GRM7: variants seen among roughly 807,000 people sequenced by gnomAD.
GRM7 encodes metabotropic glutamate receptor 7.
In GRM7, 35 loss-of-function variants were observed where a neutral mutation model predicts 84.5. The observed-to-expected ratio is 0.41, with a 90% CI of 0.32 to 0.55. GRM7 has a LOEUF of 0.55. Among genes scored for constraint, GRM7 ranks in the 20% least tolerant of loss-of-function variants. GRM7 has a pLI of 0.19. For synonymous variants in GRM7, 487 were observed against 455.1 expected (o/e 1.07, Z -0.89); for missense variants, 1,003 against 1,194.6 (o/e 0.84, Z 2.36).
At chr3:7,011,510 T>A (rs2124895114) in intron 1 of GRM7, among the ~76,000 whole-genome samples, 1 of 152,354 alleles carries the variant, frequency 6.6e-6, no homozygotes, top group South Asian at 2.1e-4. Flanking sequence ...GGTGGCCATT[T>A]TTATTCTTTG....
chr3:7,267,253 A>C (rs540144126), intron 2 of GRM7, among the ~76,000 whole-genome samples: 1 of 152,328 alleles, frequency 6.6e-6, no homozygotes, highest in African/African-American at 2.4e-5. Flanking sequence ...ATTAGGCCCA[A>C]CTCACTGTCT....
intron 4 of GRM7, among the ~76,000 whole-genome samples, chr3:7,409,574 GTTTGTTTTGTTTTGTTTTGT>G (rs143653987): frequency 2.8e-4 from 42 of 150,070 alleles, no homozygotes; most frequent in East Asian, 6.0e-4. Flanking sequence ...TCTGTTTTGT[GTTTGTTTTGTTTTGTTTTGT>G]TTTGTTTTGT....
rs541777254 is a variant in GRM7, at chr3:6,908,844, T to C, written c.519+46937T>C. On this transcript the variant is annotated intron_variant, in intron 1 of 9. Transcript: ENST00000357716. The stretch of plus-strand genomic sequence containing the variant: ...CTAGATTTTGCAGAGATTAAAGATA[T>C]GTCTTGTGGTCTGACTGCTGAAGTG... Among the ~76,000 whole-genome samples, 7 of 152,162 alleles carry C rather than the reference T, an allele frequency of 4.6e-5. 1 individual carries two copies. Among genetic ancestry groups the C allele is most frequent in the Non-Finnish European group, 1.0e-4 (7 of 68,032 alleles).
chr3:7,138,610 G>A (rs1207114743), intron 1 of GRM7, among the ~76,000 whole-genome samples: 1 of 151,486 alleles, frequency 6.6e-6, no homozygotes, highest in Non-Finnish European at 1.5e-5. Flanking sequence ...TACAGCATGT[G>A]GGAAAAAAAC....
At chr3:7,055,037 G>A (rs1195865591) in intron 1 of GRM7, among the ~76,000 whole-genome samples, 1 of 151,894 alleles carries the variant, frequency 6.6e-6, no homozygotes. Context: ...CTGGTCTCTT[G>A]CTATTGGTTT....
rs138846843 is a variant in GRM7 at position 7,027,474 on chromosome 3, C to T, written c.520-118978C>T. ...CATTGTACATTTTGATTACATCCAA[C>T]GAGCTTACTCATTTATGTCATTTCA... On this transcript the variant is annotated intron_variant, in intron 1 of 9. Coordinates refer to ENST00000357716, the MANE Select transcript of GRM7 (RefSeq NM_000844.4). Among the ~76,000 whole-genome samples, 3 of 152,244 alleles carry T rather than the reference C, an allele frequency of 2.0e-5. No homozygotes were observed. In the South Asian group the frequency reaches 6.2e-4, roughly 32 times the overall value.
intron 2 of GRM7, among the ~76,000 whole-genome samples, chr3:7,296,609 C>T (rs1006859723): frequency 6.6e-6 from 1 of 152,022 alleles, no homozygotes; most frequent in African/African-American, 2.4e-5. Flanking sequence ...TACTTTGTAT[C>T]TTTCAAGAAA....
Position 7,535,973 on chromosome 3 carries a change from C to A in GRM7, c.1516-42449C>A, listed in dbSNP as rs796588659. Among the ~76,000 whole-genome samples, 57 of 152,290 alleles carry A rather than the reference C, an allele frequency of 3.7e-4. No individual in the cohort carries two copies. The East Asian group carries it at 9.1e-3, about 24-fold the overall frequency. On this transcript the variant is annotated intron_variant, in intron 7 of 9. Coordinates refer to ENST00000357716, the MANE Select transcript of GRM7 (RefSeq NM_000844.4). ...ACTTCAAAACACCTACATGTGGTTT[C>A]ATAGGAGCCCTGCTCCTCAAGATGT...
chr3:7,197,531 G>T (rs182663684), intron 2 of GRM7, among the ~76,000 whole-genome samples: 3 of 152,146 alleles, frequency 2.0e-5, no homozygotes, highest in Admixed American at 2.0e-4. Context: ...AATGCTAAAA[G>T]ATTGTTAATT....
intron 2 of GRM7, among the ~76,000 whole-genome samples, chr3:7,270,333 T>C (rs78272070): frequency 6.6e-6 from 1 of 152,364 alleles, no homozygotes; most frequent in East Asian, 1.9e-4. Flanking sequence ...AGCTAGACTG[T>C]AACTTCATTG....
chr3:7,430,718 G>C (rs902945102), intron 5 of GRM7, among the ~76,000 whole-genome samples: 1 of 152,148 alleles, frequency 6.6e-6, no homozygotes, highest in Non-Finnish European at 1.5e-5. Context: ...GGCCTCTCTT[G>C]TTTCTGCTTA....
chr3:6,963,270 C>A (rs901405830), intron 1 of GRM7, among the ~76,000 whole-genome samples: 1 of 152,134 alleles, frequency 6.6e-6, no homozygotes, highest in Non-Finnish European at 1.5e-5. Context: ...TTCTGAAGAA[C>A]TTTTATGGGC....
At chr3:7,498,882 C>T (rs1003810855) in intron 7 of GRM7, among the ~76,000 whole-genome samples, 1 of 152,196 alleles carries the variant, frequency 6.6e-6, no homozygotes, top group African/African-American at 2.4e-5. Flanking sequence ...TGGCTGCCTC[C>T]TTCCACTGGG....
intron 1 of GRM7, among the ~76,000 whole-genome samples, chr3:7,050,548 A>G (rs1696957835): frequency 6.6e-6 from 1 of 151,890 alleles, no homozygotes; most frequent in Admixed American, 6.6e-5. Context: ...GGTCAAGTAG[A>G]TTGCATATTT....
chr3:7,531,839 T>C (rs12330146), intron 7 of GRM7, among the ~76,000 whole-genome samples: 2,069 of 152,284 alleles, frequency 0.014, 46 homozygotes, highest in African/African-American at 0.047. Flanking sequence ...TCCAATACTA[T>C]GTTGAATAGG....
intron 7 of GRM7, among the ~76,000 whole-genome samples, chr3:7,481,331 T>C (rs1259930047): frequency 6.6e-6 from 1 of 152,118 alleles, no homozygotes; most frequent in South Asian, 2.1e-4. Context: ...CTTGAACTCC[T>C]GGGCTCCCGC....
At position 6,928,416 on chromosome 3, in the gene GRM7, A is replaced by G. The variant is rs1158319544; in HGVS notation, c.519+66509A>G. Reference sequence around the variant, plus strand: ...TGCATTGATATTCGATATAGGCATCATGGCATATGAGGAAGCAAAATCTGA... The same window carrying G: ...TGCATTGATATTCGATATAGGCATCGTGGCATATGAGGAAGCAAAATCTGA... On this transcript the variant is annotated intron_variant, in intron 1 of 9. Transcript: ENST00000357716. The surrounding 1 kb of genome is among the most constrained non-coding windows in gnomAD (Gnocchi z 4.5). 6.6e-6 allele frequency among the ~76,000 whole-genome samples: 1 copy of G among 152,208 alleles called. No homozygotes were observed. Among genetic ancestry groups the G allele is most frequent in the Non-Finnish European group, 1.5e-5 (1 of 68,034 alleles).
chr3:7,510,590 GC>G, intron 7 of GRM7, among the ~76,000 whole-genome samples: 1 of 152,096 alleles, frequency 6.6e-6, no homozygotes, highest in Non-Finnish European at 1.5e-5. Flanking sequence ...ACAAAAATTG[GC>G]TTGGGTAAGA....
intron 1 of GRM7, among the ~76,000 whole-genome samples, chr3:7,072,404 A>G (rs918437037): frequency 6.6e-6 from 1 of 152,122 alleles, no homozygotes. Flanking sequence ...CACTTTGGCC[A>G]GGTGTTGTGG....
Sources: gnomAD v4.1 joint callset for allele counts (sites outside exome capture counted in the v4.1 genomes callset) on GRCh38, gnomAD v4.1.1 for gene constraint, Gnocchi (gnomAD v3.1) non-coding constraint, MANE v1.5 for transcripts, NCBI Gene and HGNC (gene_info 2026-07-23, HGNC 2026-07-21) for gene names.